Variants in CLEC16A observed in about 807,000 individuals in gnomAD.
The protein encoded by CLEC16A is protein CLEC16A.
A neutral mutation model predicts 109.5 loss-of-function variants in CLEC16A; 51 were observed. That is an observed-to-expected ratio of 0.47 (90% CI 0.37 to 0.59). The LOEUF is 0.59. CLEC16A is among the 20% of genes least tolerant of loss of function. CLEC16A has a pLI of 0.00. For missense variants in CLEC16A, 1,339 were observed against 1,394.0 expected (o/e 0.96, Z 0.63); for synonymous variants, 673 against 564.2 (o/e 1.19, Z -2.73).
intron 19 of CLEC16A, among the ~76,000 whole-genome samples, chr16:11,061,617 G>C (rs1300716942): frequency 1.3e-5 from 2 of 152,198 alleles, no homozygotes; most frequent in African/African-American, 4.8e-5. Flanking sequence ...TCTCGTATTT[G>C]TATAGCTTTC....
At chr16:10,963,324 A>G (rs1420059277) in intron 3 of CLEC16A, among the ~76,000 whole-genome samples, 1 of 152,116 alleles carries the variant, frequency 6.6e-6, no homozygotes, top group Non-Finnish European at 1.5e-5. Context: ...ATACAGCCAC[A>G]ATGGGGGTTA....
chr16:11,060,372 C>T (rs1469080790), intron 18 of CLEC16A, among the ~76,000 whole-genome samples: 1 of 152,244 alleles, frequency 6.6e-6, no homozygotes, highest in Non-Finnish European at 1.5e-5. Flanking sequence ...CTGCAGCCCA[C>T]AGGCATTTCA....
At chr16:11,157,299 G>T in intron 22 of CLEC16A, 1 of 1,107,142 alleles carries the variant, frequency 9.0e-7, no homozygotes, top group Non-Finnish European at 1.1e-6. Context: ...GGCCCGGGAG[G>T]CCATACGAAC....
chr16:11,156,431 G>A (rs1028072147), intron 22 of CLEC16A: 6 of 323,306 alleles, frequency 1.9e-5, no homozygotes, highest in South Asian at 2.6e-5. Flanking sequence ...ACCTTGGGGG[G>A]CCATCCTTTG....
chr16:11,105,772 C>G (rs901126990), intron 19 of CLEC16A, among the ~76,000 whole-genome samples: 1 of 152,206 alleles, frequency 6.6e-6, no homozygotes, highest in Non-Finnish European at 1.5e-5. Context: ...GGCCGTGTAC[C>G]AGTCACAAAG....
intron 18 of CLEC16A, among the ~76,000 whole-genome samples, chr16:11,058,205 C>T (rs1052230408): frequency 7.2e-5 from 11 of 152,314 alleles, no homozygotes; most frequent in African/African-American, 2.4e-4. Flanking sequence ...CTCATGTGTC[C>T]TTCCTTCTCT....
chr16:11,142,267 C>T (rs966498561), intron 22 of CLEC16A, among the ~76,000 whole-genome samples: 7 of 152,180 alleles, frequency 4.6e-5, no homozygotes, highest in East Asian at 1.9e-4. Flanking sequence ...CCTCAGGGCC[C>T]GGGAACCTGA....
At chr16:11,158,679 T>C (rs1412976099) in intron 22 of CLEC16A, among the ~76,000 whole-genome samples, 1 of 151,870 alleles carries the variant, frequency 6.6e-6, no homozygotes, top group East Asian at 1.9e-4. Flanking sequence ...TCCCAGGACT[T>C]TGGGAGGCCG....
chr16:11,004,398 C>T (rs1018240644), intron 11 of CLEC16A, among the ~76,000 whole-genome samples: 15 of 152,208 alleles, frequency 9.9e-5, no homozygotes, highest in African/African-American at 2.9e-4. Flanking sequence ...AAGGTCTGGC[C>T]ACACTTTCTG....
At chr16:11,166,588 T>G in intron 23 of CLEC16A, 36 bp downstream of exon 23, 1 of 1,529,428 alleles carries the variant, frequency 6.5e-7, no homozygotes, top group East Asian at 2.4e-5. Context: ...TGGGGACATT[T>G]GGAGAACCCC....
intron 19 of CLEC16A, among the ~76,000 whole-genome samples, chr16:11,106,249 T>A (rs1402171109): frequency 6.6e-6 from 1 of 152,158 alleles, no homozygotes; most frequent in Admixed American, 6.5e-5. Context: ...GTGAACACCC[T>A]CATACTTGTC....
chr16:11,135,617 C>T (rs1347002401), intron 22 of CLEC16A, among the ~76,000 whole-genome samples: 1 of 152,328 alleles, frequency 6.6e-6, no homozygotes, highest in East Asian at 1.9e-4. Flanking sequence ...GCCTTCTGGT[C>T]ATAAGAGTGT....
chr16:11,110,397 A>G (rs2051504264), intron 19 of CLEC16A, among the ~76,000 whole-genome samples: 2 of 152,106 alleles, frequency 1.3e-5, no homozygotes, highest in Admixed American at 6.5e-5. Context: ...GGGAGCAGCC[A>G]GGGATGAGGG....
At chr16:10,998,628 T>TTTGGC (rs535557396) in intron 10 of CLEC16A, among the ~76,000 whole-genome samples, 95 of 152,282 alleles carry the variant, frequency 6.2e-4, no homozygotes, top group Non-Finnish European at 1.1e-3. Context: ...CCTGAGAAAG[T>TTTGGC]TTGGCTTTTT....
chr16:11,084,482 G>A (rs190148555), intron 19 of CLEC16A, among the ~76,000 whole-genome samples: 3 of 152,166 alleles, frequency 2.0e-5, no homozygotes, highest in East Asian at 1.9e-4. Flanking sequence ...GTTAGGGTCC[G>A]AGCCCACAAA....
chr16:11,157,098 A>T, intron 22 of CLEC16A: 1 of 1,304,122 alleles, frequency 7.7e-7, no homozygotes, highest in Non-Finnish European at 1.0e-6. Context: ...TAGTGTTTAA[A>T]ATCTGAGAGG....
At chr16:11,043,636 G>T (rs903927261) in intron 15 of CLEC16A, among the ~76,000 whole-genome samples, 5 of 151,820 alleles carry the variant, frequency 3.3e-5, no homozygotes, top group South Asian at 2.1e-4. Flanking sequence ...AGGCCGAGGC[G>T]GGCAGATCAC....
intron 14 of CLEC16A, chr16:11,042,051 G>C: frequency 1.8e-6 from 1 of 565,286 alleles, no homozygotes; most frequent in East Asian, 3.0e-5. Flanking sequence ...GGTATAGGTA[G>C]TTTTGATGGA....
chr16:11,054,528 C>T (rs1351657178), intron 18 of CLEC16A, among the ~76,000 whole-genome samples: 1 of 152,194 alleles, frequency 6.6e-6, no homozygotes, highest in Non-Finnish European at 1.5e-5. Flanking sequence ...CTCAGCTTCT[C>T]TAGAGTCTCT....
Sources: allele counts gnomAD v4.1 joint callset (sites outside exome capture counted in the v4.1 genomes callset), GRCh38; gene constraint gnomAD v4.1.1; transcripts MANE v1.5; gene names NCBI Gene and HGNC (gene_info 2026-07-23, HGNC 2026-07-21).